CDH12: variants seen among roughly 807,000 people sequenced by gnomAD.
CDH12 encodes cadherin 12, also known as cadherin-12.
A neutral mutation model predicts 74.1 loss-of-function variants in CDH12; 41 were observed. The ratio of observed to expected loss-of-function variants is 0.55; its 90% CI spans 0.43 to 0.72. CDH12 has a LOEUF of 0.72. CDH12 is among the 30% of genes least tolerant of loss of function. The pLI, the probability that CDH12 is intolerant of heterozygous loss-of-function variation, is 0.00. For synonymous variants in CDH12, 399 were observed against 355.0 expected, an observed-to-expected ratio of 1.12 and a Z score of -1.39; for missense variants, 945 against 977.2, an observed-to-expected ratio of 0.97 and a Z score of 0.44.
chr5:21,772,986 T>C (rs1745402317), intron 11 of CDH12, among the ~76,000 whole-genome samples: 1 of 152,180 alleles, frequency 6.6e-6, no homozygotes, highest in Admixed American at 6.5e-5. Context: ...CAAAAGCAGT[T>C]GAAAATTTAA....
chr5:21,889,895 C>G (rs1229259481), intron 6 of CDH12: 1 of 971,652 alleles, frequency 1.0e-6, no homozygotes, highest in Admixed American at 6.2e-5. Flanking sequence ...TATAAGTTAC[C>G]CCACACTGGC....
intron 4 of CDH12, among the ~76,000 whole-genome samples, chr5:22,082,401 C>A (rs1175543434): frequency 3.9e-5 from 6 of 152,108 alleles, no homozygotes; most frequent in African/African-American, 1.4e-4. Context: ...GATACTGTGA[C>A]AGTCAGTCTG....
intron 13 of CDH12, among the ~76,000 whole-genome samples, chr5:21,758,819 A>C (rs1233301007): frequency 6.6e-6 from 1 of 152,208 alleles, no homozygotes; most frequent in Non-Finnish European, 1.5e-5. Context: ...TCTGTGCAGC[A>C]ACATGGATGC....
At chr5:22,716,786 C>G (rs1009134311) in intron 1 of CDH12, among the ~76,000 whole-genome samples, 2 of 151,220 alleles carry the variant, frequency 1.3e-5, no homozygotes, top group African/African-American at 2.4e-5. Context: ...TAGGCCTAGG[C>G]TAACATGTCT....
chr5:22,300,215 A>G (rs2150419153), intron 3 of CDH12, among the ~76,000 whole-genome samples: 1 of 152,318 alleles, frequency 6.6e-6, no homozygotes, highest in East Asian at 1.9e-4. Flanking sequence ...ACAAAGTAAA[A>G]GTGTGGGTGC....
chr5:21,948,841 T>C (rs1356504307), intron 6 of CDH12, among the ~76,000 whole-genome samples: 3 of 152,182 alleles, frequency 2.0e-5, no homozygotes, highest in Non-Finnish European at 4.4e-5. Context: ...GTTTCTGCCA[T>C]GCTGTTCTTA....
rs561684972 is a variant in CDH12 at position 22,105,697 on chromosome 5, AAAAAT to A, written c.-186-26840_-186-26836del. Among the ~76,000 whole-genome samples, 90 of 151,144 alleles carry A rather than the reference AAAAAT, an allele frequency of 6.0e-4. 1 individual carries two copies. Among genetic ancestry groups the A allele is most frequent in the Middle Eastern group, 6.9e-3 (2 of 290 alleles). ...TGGGTGACAGAGCAATATTCTGTTA[AAAAAT>A]AAAATAAAATAAAATAAAATAAAGT... On this transcript the variant is annotated intron_variant, in intron 4 of 14. Transcript: ENST00000382254.
At chr5:22,559,577 G>C (rs1738952091) in intron 1 of CDH12, among the ~76,000 whole-genome samples, 8 of 151,964 alleles carry the variant, frequency 5.3e-5, no homozygotes, top group Admixed American at 5.3e-4. Flanking sequence ...AGACAAAGAG[G>C]AGAAGAGTTT....
intron 4 of CDH12, among the ~76,000 whole-genome samples, chr5:22,156,822 T>C (rs1435798294): frequency 6.6e-6 from 1 of 152,162 alleles, no homozygotes; most frequent in African/African-American, 2.4e-5. Flanking sequence ...ATTTTTTACA[T>C]ATGCATAATG....
intron 1 of CDH12, among the ~76,000 whole-genome samples, chr5:22,712,697 C>G (rs1286295863): frequency 1.3e-5 from 2 of 152,072 alleles, no homozygotes; most frequent in Non-Finnish European, 2.9e-5. Context: ...ACATTAAAGG[C>G]TCTTTTTTTA....
At chr5:21,942,347 T>TATATATATACACAC (rs1225173229) in intron 6 of CDH12, among the ~76,000 whole-genome samples, 3 of 129,676 alleles carry the variant, frequency 2.3e-5, no homozygotes, top group African/African-American at 9.6e-5. Flanking sequence ...TATATATATA[T>TATATATATACACAC]ACACACACAC....
At chr5:22,360,248 T>G (rs1337774612) in intron 3 of CDH12, among the ~76,000 whole-genome samples, 1 of 151,966 alleles carries the variant, frequency 6.6e-6, no homozygotes, top group Non-Finnish European at 1.5e-5. Context: ...ATAAAGGGGA[T>G]ATCACCACCG....
At chr5:22,643,905 T>C (rs1739298036) in intron 1 of CDH12, among the ~76,000 whole-genome samples, 1 of 152,062 alleles carries the variant, frequency 6.6e-6, no homozygotes, top group Non-Finnish European at 1.5e-5. Flanking sequence ...ATATTATCTA[T>C]TATTGTGATC....
intron 3 of CDH12, among the ~76,000 whole-genome samples, chr5:22,396,993 G>C (rs755781780): frequency 1.3e-5 from 2 of 151,662 alleles, no homozygotes; most frequent in South Asian, 2.1e-4. Context: ...TCTCTTTTAC[G>C]TATATAAACT....
intron 1 of CDH12, among the ~76,000 whole-genome samples, chr5:22,813,594 A>C (rs1749251593): frequency 6.6e-6 from 1 of 152,000 alleles, no homozygotes. Flanking sequence ...CATTTCTGTG[A>C]TAATGTTACA....
intron 6 of CDH12, among the ~76,000 whole-genome samples, chr5:21,938,723 C>CATATACATATATATATATATAT (rs1755187069): frequency 1.8e-5 from 2 of 112,076 alleles, no homozygotes; most frequent in Admixed American, 9.8e-5. Flanking sequence ...ATATAATATA[C>CATATACATATATATATATATAT]ATATATATAT....
At chr5:22,820,603 C>T (rs989680941) in intron 1 of CDH12, among the ~76,000 whole-genome samples, 1 of 152,150 alleles carries the variant, frequency 6.6e-6, no homozygotes, top group Non-Finnish European at 1.5e-5. Flanking sequence ...ATACTACAAA[C>T]ACCTCTACGC....
intron 3 of CDH12, among the ~76,000 whole-genome samples, chr5:22,382,386 A>G (rs932993522): frequency 6.6e-6 from 1 of 151,438 alleles, no homozygotes; most frequent in Admixed American, 6.6e-5. Context: ...GCCCACTGTC[A>G]CTTCCCTACC....
chr5:21,853,908 C>T (rs747316460), intron 7 of CDH12, among the ~76,000 whole-genome samples: 2 of 151,532 alleles, frequency 1.3e-5, no homozygotes, highest in Non-Finnish European at 3.0e-5. Context: ...AAATAACCAT[C>T]GTTGTGGGGT....
Sources: gnomAD v4.1 joint callset for allele counts (sites outside exome capture counted in the v4.1 genomes callset) on GRCh38, gnomAD v4.1.1 for gene constraint, MANE v1.5 for transcripts, NCBI Gene and HGNC (gene_info 2026-07-23, HGNC 2026-07-21) for gene names.